Variants in RBFOX1 observed in about 807,000 individuals in gnomAD.
RBFOX1 encodes RNA binding fox-1 homolog 1, also known as RNA binding protein fox-1 homolog 1.
In RBFOX1, 8 loss-of-function variants were observed where a neutral mutation model predicts 57.7. The observed-to-expected ratio is 0.14, with a 90% CI of 0.08 to 0.25. RBFOX1 has a LOEUF of 0.25. Ranked by LOEUF, RBFOX1 falls within the 10% of genes least tolerant of loss-of-function variation. RBFOX1 has a pLI of 1.00. For synonymous variants in RBFOX1, 326 were observed against 222.4 expected, an observed-to-expected ratio of 1.47 and a Z score of -4.15; for missense variants, 611 against 548.5, an observed-to-expected ratio of 1.11 and a Z score of -1.14.
chr16:6,780,464 ATT>A (rs1450427783), intron 3 of RBFOX1, among the ~76,000 whole-genome samples: 28 of 99,142 alleles, frequency 2.8e-4, no homozygotes, highest in African/African-American at 1.2e-3. Context: ...TTTTATATAT[ATT>A]TATATACATT....
At chr16:5,682,769 T>A (rs936572338) in intron 3 of RBFOX1, among the ~76,000 whole-genome samples, 1 of 152,224 alleles carries the variant, frequency 6.6e-6, no homozygotes, top group African/African-American at 2.4e-5. Flanking sequence ...ATTGAATTCA[T>A]GGAAGAGCTT....
intron 9 of RBFOX1, among the ~76,000 whole-genome samples, chr16:7,600,675 A>G (rs1284109678): frequency 6.6e-6 from 1 of 152,222 alleles, no homozygotes; most frequent in Non-Finnish European, 1.5e-5. Flanking sequence ...GTGATGAAAT[A>G]TAGTTATCAA....
At position 7,348,800 on chromosome 16, in the gene RBFOX1, G is replaced by A. The variant is rs147904926; in HGVS notation, c.28-169347G>A. On this transcript the variant is annotated intron_variant, in intron 4 of 15. Transcript: ENST00000550418. ...CTACTAAAAATGCCAAAATTAGCCA[G>A]GGGTGGTGGCACGTGCTTGTAATCC... Among the ~76,000 whole-genome samples the A allele has an allele frequency of 6.3e-3, 964 of 152,250 alleles. 11 individuals carry two copies. The highest frequency in any genetic ancestry group is 0.022 in the African/African-American group (903 of 41,548).
intron 1 of RBFOX1, among the ~76,000 whole-genome samples, chr16:5,299,104 C>T (rs953179959): frequency 5.8e-4 from 88 of 151,014 alleles, no homozygotes; most frequent in Non-Finnish European, 1.1e-3. Context: ...CTTCCAGGGG[C>T]AACCACTGTT....
intron 1 of RBFOX1, among the ~76,000 whole-genome samples, chr16:6,178,107 G>C (rs1453516126): frequency 1.3e-5 from 2 of 150,118 alleles, no homozygotes; most frequent in Non-Finnish European, 3.0e-5. Flanking sequence ...AGAGTAGTGT[G>C]AATATTTGGT....
intron 4 of RBFOX1, among the ~76,000 whole-genome samples, chr16:5,980,049 C>G (rs188745711): frequency 5.3e-5 from 8 of 152,306 alleles, no homozygotes; most frequent in South Asian, 4.1e-4. Flanking sequence ...GAAAAGTCTT[C>G]CAATCAGCTC....
chr16:6,890,329 G>C (rs1426026762), intron 3 of RBFOX1, among the ~76,000 whole-genome samples: 2 of 152,108 alleles, frequency 1.3e-5, no homozygotes, highest in Non-Finnish European at 2.9e-5. Context: ...GACCAGCCTG[G>C]CCTACAAGGT....
chr16:6,439,368 T>G (rs1435050980), intron 2 of RBFOX1, among the ~76,000 whole-genome samples: 15 of 152,224 alleles, frequency 9.9e-5, no homozygotes, highest in Non-Finnish European at 2.2e-4. Context: ...GTCACAGGCA[T>G]GATTAACGTG....
At chr16:5,881,443 G>C (rs2057760354) in intron 4 of RBFOX1, among the ~76,000 whole-genome samples, 1 of 152,180 alleles carries the variant, frequency 6.6e-6, no homozygotes, top group Non-Finnish European at 1.5e-5. Context: ...ACTTTGGGAG[G>C]CTGAGGCAGG....
rs74836825 is a variant in RBFOX1 at position 5,572,628 on chromosome 16, G to A, written c.259-26274G>A. 1.5e-3 allele frequency among the ~76,000 whole-genome samples: 230 copies of A among 152,318 alleles called. 2 individuals carry two copies. The highest frequency in any genetic ancestry group is 0.011 in the Admixed American group (168 of 15,302). The stretch of plus-strand genomic sequence containing the variant: ...ACCCCTGATCTGTGCAGCGGGAAGA[G>A]AGAATCTGTGAAATAGTGTAATGGA... On this transcript the variant is annotated intron_variant, in intron 2 of 2. Coordinates refer to the RBFOX1 transcript ENST00000585867.
At chr16:7,139,176 C>CTCTCTCTCTCTCTCTCTCTGTGTGTG (rs372381673) in intron 4 of RBFOX1, among the ~76,000 whole-genome samples, 3 of 145,792 alleles carry the variant, frequency 2.1e-5, no homozygotes, top group Admixed American at 6.8e-5. Flanking sequence ...CAATCTCTCT[C>CTCTCTCTCTCTCTCTCTCTGTGTGTG]TGTGTGTGTG....
At chr16:6,316,808 T>C (rs2081175851) in intron 1 of RBFOX1, among the ~76,000 whole-genome samples, 187 bp from the exon 2 acceptor site, 2 of 152,152 alleles carry the variant, frequency 1.3e-5, no homozygotes, top group Non-Finnish European at 2.9e-5. Context: ...TCTGAGAGGA[T>C]GTAATAAAAA....
intron 3 of RBFOX1, among the ~76,000 whole-genome samples, chr16:6,657,133 C>T (rs1170075508): frequency 6.9e-6 from 1 of 145,334 alleles, no homozygotes; most frequent in East Asian, 2.0e-4. Context: ...CTCTCCTCTC[C>T]TCTTCTCTCC....
intron 4 of RBFOX1, among the ~76,000 whole-genome samples, chr16:7,303,258 C>T (rs1330213482): frequency 1.3e-5 from 2 of 152,254 alleles, no homozygotes; most frequent in African/African-American, 4.8e-5. Flanking sequence ...GGTGCATCGG[C>T]GCTTCGGTGC....
chr16:6,755,329 A>T (rs1382642007), intron 3 of RBFOX1, among the ~76,000 whole-genome samples: 1 of 152,098 alleles, frequency 6.6e-6, no homozygotes, highest in African/African-American at 2.4e-5. Context: ...ACAGTGTAAA[A>T]GTGTTCCTAT....
At chr16:5,245,924 T>G (rs1427128473) in intron 1 of RBFOX1, among the ~76,000 whole-genome samples, 2 of 152,216 alleles carry the variant, frequency 1.3e-5, no homozygotes, top group Non-Finnish European at 1.5e-5. Flanking sequence ...AATCTGTGTT[T>G]TAATGTTTTA....
intron 12 of RBFOX1, 133 bp downstream of exon 12, chr16:7,654,080 C>G (rs1480882134): frequency 2.2e-6 from 2 of 914,548 alleles, no homozygotes; most frequent in African/African-American, 3.5e-5. Context: ...AGCATGCAGC[C>G]CGGCCGCGCA....
chr16:5,588,894 G>A (rs1486198883), intron 2 of RBFOX1, among the ~76,000 whole-genome samples: 1 of 152,152 alleles, frequency 6.6e-6, no homozygotes, highest in African/African-American at 2.4e-5. Flanking sequence ...GGTACAATTG[G>A]GTGGTTGATT....
chr16:7,545,770 A>G (rs1294486759), intron 5 of RBFOX1, among the ~76,000 whole-genome samples: 2 of 152,128 alleles, frequency 1.3e-5, no homozygotes, highest in Non-Finnish European at 2.9e-5. Context: ...CCCAGGAGCT[A>G]GAAAACGTGG....
Sources: gnomAD v4.1 joint callset for allele counts (sites outside exome capture counted in the v4.1 genomes callset) on GRCh38, gnomAD v4.1.1 for gene constraint, MANE v1.5 for transcripts, NCBI Gene and HGNC (gene_info 2026-07-23, HGNC 2026-07-21) for gene names.